Variants in RIN3 observed in about 807,000 individuals in gnomAD.
The protein encoded by RIN3 is RAB5 interacting protein 3.
A neutral mutation model predicts 76.3 loss-of-function variants in RIN3; 54 were observed. The ratio of observed to expected loss-of-function variants is 0.71; its 90% CI spans 0.57 to 0.89. The LOEUF (loss-of-function observed/expected upper bound fraction) is 0.89, where lower values mean the gene tolerates loss of function less well. RIN3 is among the 40% of genes least tolerant of loss of function. RIN3 has a pLI of 0.00. For missense variants in RIN3, 1,256 were observed against 1,322.1 expected, an observed-to-expected ratio of 0.95 and a Z score of 0.78; for synonymous variants, 576 against 564.0, an observed-to-expected ratio of 1.02 and a Z score of -0.30.
intron 7 of RIN3, among the ~76,000 whole-genome samples, chr14:92,664,369 T>C (rs1483265495): frequency 3.7e-5 from 5 of 135,912 alleles, no homozygotes; most frequent in East Asian, 4.1e-4. Flanking sequence ...TCTTTCTTTT[T>C]TTTTTTTTTT....
chr14:92,665,894 C>T (rs934063913), intron 7 of RIN3, among the ~76,000 whole-genome samples: 3 of 152,180 alleles, frequency 2.0e-5, no homozygotes, highest in African/African-American at 7.2e-5. Context: ...TCAATCATAC[C>T]TTCCCCTGGC....
Position 92,577,847 on chromosome 14 carries a change from A to G in RIN3, c.367+370A>G, listed in dbSNP as rs79797678. Among the ~76,000 whole-genome samples the G allele has an allele frequency of 6.0e-4, 91 of 152,352 alleles. 1 individual carries two copies. In the East Asian group the frequency reaches 0.014, roughly 23 times the overall value. On this transcript the variant is annotated intron_variant, in intron 3 of 9. Transcript: ENST00000216487. ...ACACACTCAATCCATGATTGCAGAC[A>G]AGTCACTTAATCTTTCTGAGCCTCA...
At chr14:92,632,440 G>C (rs990939717) in intron 4 of RIN3, among the ~76,000 whole-genome samples, 1 of 152,194 alleles carries the variant, frequency 6.6e-6, no homozygotes, top group Non-Finnish European at 1.5e-5. Flanking sequence ...CCAGGGCTGT[G>C]CTGAGGATCA....
chr14:92,677,497 G>T (rs1294253714), intron 8 of RIN3, among the ~76,000 whole-genome samples: 1 of 152,202 alleles, frequency 6.6e-6, no homozygotes, highest in Non-Finnish European at 1.5e-5. Context: ...AGTCTCTGGG[G>T]TGATAGTTTG....
intron 4 of RIN3, among the ~76,000 whole-genome samples, chr14:92,631,966 C>G (rs1886601988): frequency 6.6e-6 from 1 of 152,086 alleles, no homozygotes; most frequent in South Asian, 2.1e-4. Flanking sequence ...CTCCTAGGGG[C>G]AGACTTTGGG....
chr14:92,544,878 C>T (rs757214430), intron 1 of RIN3, among the ~76,000 whole-genome samples: 3 of 152,076 alleles, frequency 2.0e-5, no homozygotes, highest in Admixed American at 6.6e-5. Flanking sequence ...TTGAAACCTC[C>T]TTCGCACCCC....
chr14:92,551,262 G>A (rs145298545), intron 1 of RIN3, among the ~76,000 whole-genome samples: 36 of 152,218 alleles, frequency 2.4e-4, no homozygotes, highest in African/African-American at 7.7e-4. Context: ...TCTGAGATTC[G>A]TTCATGTGGT....
At chr14:92,578,250 G>GA (rs1233334039) in intron 3 of RIN3, among the ~76,000 whole-genome samples, 48 of 148,634 alleles carry the variant, frequency 3.2e-4, no homozygotes, top group Admixed American at 2.8e-3. Context: ...AAAAAAAAAA[G>GA]AAAAAAAAGA....
intron 1 of RIN3, among the ~76,000 whole-genome samples, chr14:92,547,782 C>T (rs889754103): frequency 6.6e-6 from 1 of 152,166 alleles, no homozygotes; most frequent in Non-Finnish European, 1.5e-5. Flanking sequence ...CAGCTCACTG[C>T]AACCTCTGCA....
intron 4 of RIN3, among the ~76,000 whole-genome samples, chr14:92,616,314 A>G (rs1885964349): frequency 6.6e-6 from 1 of 152,256 alleles, no homozygotes; most frequent in Non-Finnish European, 1.5e-5. Flanking sequence ...TAGGGCCTCA[A>G]GGGCACCGTT....
At chr14:92,641,399 G>A in intron 5 of RIN3, 70 bp downstream of exon 5, 2 of 1,191,906 alleles carry the variant, frequency 1.7e-6, no homozygotes, top group South Asian at 1.2e-5. Flanking sequence ...ACTGCCCCAG[G>A]GGCCGCCTGT....
At chr14:92,523,658 CA>C (rs1019117668) in intron 1 of RIN3, among the ~76,000 whole-genome samples, 1 of 147,960 alleles carries the variant, frequency 6.8e-6, no homozygotes, top group Admixed American at 6.6e-5. Flanking sequence ...AGATTGCAAA[CA>C]TTTTTTTTTC....
chr14:92,570,379 C>T (rs774470535), intron 2 of RIN3, among the ~76,000 whole-genome samples: 47 of 152,140 alleles, frequency 3.1e-4, no homozygotes, highest in Non-Finnish European at 5.7e-4. Flanking sequence ...TAATGACATT[C>T]AGGCCAGGCG....
intron 3 of RIN3, among the ~76,000 whole-genome samples, chr14:92,580,861 G>C (rs373825396): frequency 6.6e-6 from 1 of 152,240 alleles, no homozygotes; most frequent in African/African-American, 2.4e-5. Flanking sequence ...ACACCTAACT[G>C]CAAGGGAAAC....
intron 3 of RIN3, among the ~76,000 whole-genome samples, chr14:92,579,904 T>A (rs1388263877): frequency 6.6e-6 from 1 of 152,200 alleles, no homozygotes; most frequent in Non-Finnish European, 1.5e-5. Flanking sequence ...GTGGGAAGGA[T>A]TCAGGAGGGT....
intron 2 of RIN3, chr14:92,576,511 C>A: frequency 1.2e-6 from 1 of 850,208 alleles, no homozygotes; most frequent in South Asian, 1.4e-5. Flanking sequence ...GCAGAGGCCT[C>A]ATGGCATGGA....
intron 1 of RIN3, among the ~76,000 whole-genome samples, chr14:92,516,747 C>G (rs1449959624): frequency 1.3e-5 from 2 of 152,126 alleles, no homozygotes; most frequent in Admixed American, 1.3e-4. Flanking sequence ...CCTCATCTCC[C>G]CTACCCCCTT....
rs376520952 is a variant in RIN3, at chr14:92,683,401, G to A, written c.2468-1586G>A. On this transcript the variant is annotated intron_variant, in intron 8 of 9. Transcript: ENST00000216487. Reference sequence around the variant, plus strand: ...CGGTTTTCTCTCTCTAAAATGAGGAGCTTACCAAAGTTAGTATTTCTCAAA... The same window carrying A: ...CGGTTTTCTCTCTCTAAAATGAGGAACTTACCAAAGTTAGTATTTCTCAAA... Among the ~76,000 whole-genome samples the A allele has an allele frequency of 3.3e-5, 5 of 152,258 alleles. No homozygotes were observed. The South Asian group carries it at 6.2e-4, about 19-fold the overall frequency.
chr14:92,571,301 T>C (rs533126098), intron 2 of RIN3, among the ~76,000 whole-genome samples: 3 of 152,366 alleles, frequency 2.0e-5, no homozygotes, highest in African/African-American at 7.2e-5. Context: ...TTAATTGGTC[T>C]AAGGTTTTTC....
Sources: allele counts gnomAD v4.1 joint callset (sites outside exome capture counted in the v4.1 genomes callset), GRCh38; gene constraint gnomAD v4.1.1; transcripts MANE v1.5; gene names NCBI Gene and HGNC (gene_info 2026-07-23, HGNC 2026-07-21).